SGCZ: variants seen among roughly 807,000 people sequenced by gnomAD.
SGCZ encodes the protein zeta-sarcoglycan.
A neutral mutation model predicts 41.3 loss-of-function variants in SGCZ; 40 were observed. The observed-to-expected ratio is 0.97, with a 90% CI of 0.75 to 1.26. The LOEUF is 1.26. Ranked by LOEUF, SGCZ falls within the 50% of genes most tolerant of loss-of-function variation. The pLI is 0.00. For missense variants in SGCZ, 552 were observed against 369.8 expected (o/e 1.49, Z -4.04); for synonymous variants, 206 against 137.5 (o/e 1.50, Z -3.49).
intron 2 of SGCZ, among the ~76,000 whole-genome samples, chr8:14,526,298 G>A (rs1455813198): frequency 1.3e-5 from 2 of 151,932 alleles, no homozygotes; most frequent in Non-Finnish European, 2.9e-5. Flanking sequence ...TCTATTTCTA[G>A]GTCTGTCAGT....
At chr8:14,260,123 T>C (rs1352902794) in intron 3 of SGCZ, among the ~76,000 whole-genome samples, 1 of 152,096 alleles carries the variant, frequency 6.6e-6, no homozygotes, top group African/African-American at 2.4e-5. Context: ...TTGTCTGTTG[T>C]TGGTGTATAA....
intron 1 of SGCZ, among the ~76,000 whole-genome samples, chr8:14,982,171 AAG>A (rs1801687712): frequency 2.2e-5 from 3 of 137,966 alleles, no homozygotes; most frequent in African/African-American, 8.4e-5. Flanking sequence ...AAAAAAAAAA[AAG>A]GAAATGACAT....
At chr8:14,400,650 T>A (rs894933696) in intron 2 of SGCZ, among the ~76,000 whole-genome samples, 1 of 152,202 alleles carries the variant, frequency 6.6e-6, no homozygotes, top group Non-Finnish European at 1.5e-5. Flanking sequence ...ACATGAACTT[T>A]GCATGTCTTA....
chr8:15,068,888 A>T (rs1805249978), intron 1 of SGCZ, among the ~76,000 whole-genome samples: 1 of 152,188 alleles, frequency 6.6e-6, no homozygotes, highest in South Asian at 2.1e-4. Flanking sequence ...ATTTCTGTAT[A>T]GTATTAAGTT....
chr8:14,240,188 C>T (rs1455136077), intron 3 of SGCZ, among the ~76,000 whole-genome samples: 1 of 151,448 alleles, frequency 6.6e-6, no homozygotes, highest in African/African-American at 2.4e-5. Context: ...ATTAGCCAGG[C>T]ATGGTGGTGG....
chr8:14,535,536 A>T (rs2117136453), intron 2 of SGCZ, among the ~76,000 whole-genome samples: 1 of 152,082 alleles, frequency 6.6e-6, no homozygotes, highest in East Asian at 1.9e-4. Flanking sequence ...CATCTACCCC[A>T]AAATACAACT....
intron 5 of SGCZ, among the ~76,000 whole-genome samples, chr8:14,130,014 C>G (rs1032223053): frequency 6.6e-6 from 1 of 152,098 alleles, no homozygotes; most frequent in African/African-American, 2.4e-5. Context: ...AAATGATTAT[C>G]AGTCAAAATA....
intron 6 of SGCZ, among the ~76,000 whole-genome samples, chr8:14,107,531 T>C (rs1338171750): frequency 1.3e-5 from 2 of 152,216 alleles, no homozygotes; most frequent in Admixed American, 1.3e-4. Context: ...CCGTGGTCAT[T>C]TATAGCTTTC....
chr8:14,507,656 C>T (rs181518482), intron 2 of SGCZ, among the ~76,000 whole-genome samples: 344 of 152,206 alleles, frequency 2.3e-3, no homozygotes, highest in South Asian at 0.014. Flanking sequence ...GATTCTTTGT[C>T]GATGTACTTT....
At position 14,358,851 on chromosome 8, in the gene SGCZ, C is replaced by A. The variant is rs1803397396; in HGVS notation, c.235-34647G>T. On this transcript the variant is annotated intron_variant, in intron 2 of 7. Transcript: ENST00000382080. ...GTCTTGAACTCCTGACCTCGTGATC[C>A]ACCTGCCTCAGCCTCCCAAAGTGCT... is the stretch of plus-strand genomic sequence containing the variant. 2.0e-5 allele frequency among the ~76,000 whole-genome samples: 3 copies of A among 152,044 alleles called. No individual in the cohort carries two copies. In the South Asian group the frequency reaches 6.2e-4, roughly 32 times the overall value.
rs1007686316 is a variant in SGCZ, at chr8:14,085,423, G to T, written c.*5020C>A. 2.6e-5 allele frequency among the ~76,000 whole-genome samples: 4 copies of T among 151,402 alleles called. No individual in the cohort carries two copies. The highest frequency in any genetic ancestry group is 4.2e-4 in the South Asian group (2 of 4,810). On this transcript the variant is annotated 3_prime_UTR_variant, in exon 8 of 8. Transcript: ENST00000382080. Reference sequence around the variant, plus strand: ...CCTTGCCCATCTTTAACCCTGTTTGGTTTTTATTTATAAATACGCAAACAA... The same window carrying T: ...CCTTGCCCATCTTTAACCCTGTTTGTTTTTTATTTATAAATACGCAAACAA...
At position 15,052,517 on chromosome 8, in the gene SGCZ, T is replaced by C. The variant is rs1804550742; in HGVS notation, c.39+185068A>G. On this transcript the variant is annotated intron_variant, in intron 1 of 7. Transcript: ENST00000382080. ...ACAGTGTCGCAGTCAGTGGAAGGCATTGCACTGTGGGCTTCGTTCTAACGC... is the reference window on the plus strand; with the variant it reads ...ACAGTGTCGCAGTCAGTGGAAGGCACTGCACTGTGGGCTTCGTTCTAACGC... Among the ~76,000 whole-genome samples the C allele has an allele frequency of 2.0e-5, 3 of 152,168 alleles. No homozygotes were observed. The East Asian group carries it at 5.8e-4, about 30-fold the overall frequency.
At chr8:15,131,193 G>A (rs1456584899) in intron 1 of SGCZ, among the ~76,000 whole-genome samples, 1 of 152,156 alleles carries the variant, frequency 6.6e-6, no homozygotes, top group East Asian at 1.9e-4. Flanking sequence ...ATCTTGAATT[G>A]TAGCTGCCAG....
At chr8:14,903,971 C>T (rs1482492817) in intron 1 of SGCZ, among the ~76,000 whole-genome samples, 3 of 151,810 alleles carry the variant, frequency 2.0e-5, no homozygotes, top group African/African-American at 7.3e-5. Context: ...AGTAATATTT[C>T]GTAACAGGAA....
At chr8:14,453,087 G>A (rs184523610) in intron 2 of SGCZ, among the ~76,000 whole-genome samples, 120 of 152,238 alleles carry the variant, frequency 7.9e-4, no homozygotes, top group Admixed American at 1.3e-3. Flanking sequence ...TAGCCTGGGT[G>A]ACAGAGCAAG....
intron 2 of SGCZ, among the ~76,000 whole-genome samples, chr8:14,393,310 T>A (rs768864331): frequency 6.6e-6 from 1 of 151,940 alleles, no homozygotes; most frequent in Admixed American, 6.6e-5. Flanking sequence ...GCTGCAGACA[T>A]AGACAAGCAG....
intron 1 of SGCZ, among the ~76,000 whole-genome samples, chr8:14,952,299 C>T (rs983979827): frequency 2.6e-5 from 4 of 152,014 alleles, no homozygotes; most frequent in Non-Finnish European, 5.9e-5. Flanking sequence ...TATTTTAAAA[C>T]CAATTTGAAG....
intron 1 of SGCZ, among the ~76,000 whole-genome samples, chr8:14,944,594 C>A (rs897244837): frequency 1.3e-5 from 2 of 152,052 alleles, no homozygotes; most frequent in African/African-American, 2.4e-5. Context: ...AAACAATAGA[C>A]CAATAGATTA....
At chr8:14,740,460 T>C (rs745368996) in intron 1 of SGCZ, among the ~76,000 whole-genome samples, 37 of 152,172 alleles carry the variant, frequency 2.4e-4, no homozygotes, top group Non-Finnish European at 4.1e-4. Flanking sequence ...AAGATAATGC[T>C]GCCTATCTTA....
Sources: allele counts gnomAD v4.1 joint callset (sites outside exome capture counted in the v4.1 genomes callset), GRCh38; gene constraint gnomAD v4.1.1; transcripts MANE v1.5; gene names NCBI Gene and HGNC (gene_info 2026-07-23, HGNC 2026-07-21).